The following FHIT variants were observed in gnomAD, a reference collection of about 807,000 sequenced individuals.
FHIT encodes fragile histidine triad diadenosine triphosphatase, also known as bis(5'-adenosyl)-triphosphatase.
In FHIT, 19 loss-of-function variants were observed where a neutral mutation model predicts 17.9. The observed-to-expected ratio is 1.06, with a 90% CI of 0.74 to 1.56. FHIT has a LOEUF of 1.56. Among genes scored for constraint, FHIT ranks in the 40% most tolerant of loss-of-function variants. The pLI is 0.00. For missense variants in FHIT, 248 were observed against 189.2 expected, an observed-to-expected ratio of 1.31 and a Z score of -1.82; for synonymous variants, 81 against 69.7, an observed-to-expected ratio of 1.16 and a Z score of -0.81.
chr3:61,230,835 A>G lies in FHIT; in HGVS notation c.-213+20466T>C, dbSNP rs148734936. On this transcript the variant is annotated intron_variant, in intron 1 of 9. Transcript: ENST00000492590. ...TATGTTTACAGCCTCTGAAATTCTA[A>G]AGTTTTGGAACTGGTATATCACAGA... is the stretch of plus-strand genomic sequence containing the variant. Among the ~76,000 whole-genome samples the G allele has an allele frequency of 5.1e-3, 774 of 152,310 alleles. 9 individuals carry two copies. The highest frequency in any genetic ancestry group is 0.018 in the African/African-American group (743 of 41,574).
intron 5 of FHIT, among the ~76,000 whole-genome samples, chr3:60,025,719 C>T (rs1700716197): frequency 2.1e-5 from 3 of 140,496 alleles, no homozygotes; most frequent in South Asian, 4.6e-4. Context: ...AATAAAAATG[C>T]AGAAAATTCT....
At chr3:60,218,880 CATAT>C (rs1014623340) in intron 5 of FHIT, among the ~76,000 whole-genome samples, 1 of 151,894 alleles carries the variant, frequency 6.6e-6, no homozygotes, top group African/African-American at 2.4e-5. Flanking sequence ...TACATACATA[CATAT>C]ATACATACAT....
Position 60,872,977 on chromosome 3 carries a change from C to T in FHIT, c.-110-50966G>A, listed in dbSNP as rs78343852. 3.4e-3 allele frequency among the ~76,000 whole-genome samples: 521 copies of T among 152,154 alleles called. 5 individuals are homozygous for T. Among genetic ancestry groups the T allele is most frequent in the African/African-American group, 0.011 (463 of 41,512 alleles). Reference sequence around the variant, plus strand: ...ATTTATTATTTACTTTCCTGTGCACCGGACACTCCTGCAACATGACTATAA... The same window carrying T: ...ATTTATTATTTACTTTCCTGTGCACTGGACACTCCTGCAACATGACTATAA... On this transcript the variant is annotated intron_variant, in intron 3 of 9. Transcript: ENST00000492590.
At chr3:60,410,363 A>G (rs1365636713) in intron 5 of FHIT, among the ~76,000 whole-genome samples, 1 of 152,198 alleles carries the variant, frequency 6.6e-6, no homozygotes, top group Non-Finnish European at 1.5e-5. Context: ...AGAAAAGAAG[A>G]CAGACAAGCT....
At chr3:60,061,517 T>C (rs1401941118) in intron 5 of FHIT, among the ~76,000 whole-genome samples, 2 of 152,222 alleles carry the variant, frequency 1.3e-5, no homozygotes, top group Admixed American at 6.5e-5. Context: ...TGAGAGCATT[T>C]TGTATTTTTG....
chr3:60,059,088 A>C (rs79847992), intron 5 of FHIT, among the ~76,000 whole-genome samples: 2,047 of 152,316 alleles, frequency 0.013, 44 homozygotes, highest in African/African-American at 0.047. Context: ...CCCCACCAGG[A>C]AAGCCACGCT....
intron 5 of FHIT, among the ~76,000 whole-genome samples, chr3:60,359,761 C>T (rs1162550267): frequency 6.6e-6 from 1 of 152,144 alleles, no homozygotes; most frequent in East Asian, 1.9e-4. Context: ...GGTCCATTTT[C>T]ATGGAACCAA....
At chr3:61,043,075 C>G (rs1310774823) in intron 2 of FHIT, among the ~76,000 whole-genome samples, 2 of 152,130 alleles carry the variant, frequency 1.3e-5, no homozygotes, top group African/African-American at 4.8e-5. Context: ...GCATTTCCAA[C>G]TGAGGTACCG....
At chr3:60,779,243 A>T (rs60700810) in intron 4 of FHIT, among the ~76,000 whole-genome samples, 1 of 152,116 alleles carries the variant, frequency 6.6e-6, no homozygotes, top group Non-Finnish European at 1.5e-5. Context: ...ATGTTCCAAA[A>T]TTTGCCATAC....
intron 4 of FHIT, among the ~76,000 whole-genome samples, chr3:60,667,932 C>G (rs1313773400): frequency 6.6e-6 from 1 of 151,984 alleles, no homozygotes; most frequent in African/African-American, 2.4e-5. Flanking sequence ...CAGATTTCCC[C>G]ACACTGGGCC....
At position 59,950,843 on chromosome 3, in the gene FHIT, G is replaced by C. The variant is rs1050943031; in HGVS notation, c.280-28429C>G. 2.1e-4 allele frequency among the ~76,000 whole-genome samples: 32 copies of C among 152,162 alleles called. 1 individual carries two copies. Among genetic ancestry groups the C allele is most frequent in the Non-Finnish European group, 5.9e-5 (4 of 68,028 alleles). ...TCATCCTTATGCTGAGTACTCAAGA[G>C]CTCCCAGGATTCTACAGCCCATAAA... On this transcript the variant is annotated intron_variant, in intron 7 of 9. Coordinates refer to ENST00000492590, the MANE Select transcript of FHIT (RefSeq NM_002012.4).
intron 3 of FHIT, among the ~76,000 whole-genome samples, chr3:60,925,924 G>A (rs1248410813): frequency 6.6e-6 from 1 of 152,096 alleles, no homozygotes; most frequent in Non-Finnish European, 1.5e-5. Context: ...CTGATAAACA[G>A]ACTTTAAACC....
chr3:60,576,949 T>TACACGCACAC (rs2037587743), intron 4 of FHIT, among the ~76,000 whole-genome samples: 2 of 146,746 alleles, frequency 1.4e-5, no homozygotes, highest in South Asian at 4.5e-4. Flanking sequence ...TCCATTTGCA[T>TACACGCACAC]ACACACACAC....
chr3:61,228,307 T>C (rs2040018744), intron 1 of FHIT, among the ~76,000 whole-genome samples: 1 of 152,206 alleles, frequency 6.6e-6, no homozygotes, highest in Non-Finnish European at 1.5e-5. Context: ...ATTCTTATCA[T>C]CAAGGGCGGG....
intron 5 of FHIT, among the ~76,000 whole-genome samples, chr3:60,307,048 C>T (rs1222099732): frequency 6.6e-6 from 1 of 152,020 alleles, no homozygotes; most frequent in Non-Finnish European, 1.5e-5. Flanking sequence ...GAAACCATGC[C>T]CCCTTTTGAC....
chr3:61,039,085 T>C (rs995107482), intron 3 of FHIT, among the ~76,000 whole-genome samples: 4 of 152,052 alleles, frequency 2.6e-5, no homozygotes, highest in African/African-American at 9.7e-5. Context: ...TATATATATA[T>C]AAAGTAAAGA....
At chr3:60,198,988 C>T (rs1471370899) in intron 5 of FHIT, among the ~76,000 whole-genome samples, 1 of 152,172 alleles carries the variant, frequency 6.6e-6, no homozygotes, top group Non-Finnish European at 1.5e-5. Context: ...AAAATATTTA[C>T]TCCTTTCTGT....
intron 8 of FHIT, among the ~76,000 whole-genome samples, chr3:59,839,559 A>C (rs962602281): frequency 6.6e-6 from 1 of 152,112 alleles, no homozygotes; most frequent in African/African-American, 2.4e-5. Context: ...CTTACTGCCC[A>C]CCGGTTCCTC....
At chr3:60,187,375 G>A (rs1576275933) in intron 5 of FHIT, among the ~76,000 whole-genome samples, 2 of 152,228 alleles carry the variant, frequency 1.3e-5, no homozygotes, top group Non-Finnish European at 2.9e-5. Flanking sequence ...GTTGTCCTCT[G>A]AGGACCGAAG....
Sources: gnomAD v4.1 joint callset for allele counts (sites outside exome capture counted in the v4.1 genomes callset) on GRCh38, gnomAD v4.1.1 for gene constraint, MANE v1.5 for transcripts, NCBI Gene and HGNC (gene_info 2026-07-23, HGNC 2026-07-21) for gene names.